Variants in GALNT18 observed in about 807,000 individuals in gnomAD.
GALNT18 encodes the protein GalNAc-transferase 18.
Under a neutral mutation model 69.5 loss-of-function variants are expected in GALNT18, and 44 were observed. The observed-to-expected ratio is 0.63, with a 90% CI of 0.50 to 0.81. The LOEUF (loss-of-function observed/expected upper bound fraction) is 0.81, where lower values mean the gene tolerates loss of function less well. GALNT18 is among the 40% of genes least tolerant of loss of function. The pLI is 0.00. For synonymous variants in GALNT18, 364 were observed against 318.2 expected (o/e 1.14, Z -1.53); for missense variants, 715 against 810.0 (o/e 0.88, Z 1.42).
chr11:11,372,748 T>A lies in GALNT18; in HGVS notation c.978-119A>T. 1 of 791,876 alleles carries A rather than the reference T, an allele frequency of 1.3e-6. No homozygotes were observed. Among genetic ancestry groups the A allele is most frequent in the Non-Finnish European group, 2.1e-6 (1 of 479,288 alleles). 49.1% of individuals were successfully genotyped at this position (791,876 alleles called of 1,614,324 possible). ...TTCCTTCCTTTGCTGCCAGAGCCAGTGTGAGCCTTGTTCTTGGAGTGGCCC... is the reference window on the plus strand; with the variant it reads ...TTCCTTCCTTTGCTGCCAGAGCCAGAGTGAGCCTTGTTCTTGGAGTGGCCC... On this transcript the variant is annotated intron_variant, in intron 5 of 10. Transcript: ENST00000227756. The surrounding 1 kb of genome is among the most constrained non-coding windows in gnomAD (Gnocchi z 4.9).
chr11:11,333,860 G>A (rs1021383971), intron 7 of GALNT18, among the ~76,000 whole-genome samples: 7 of 152,070 alleles, frequency 4.6e-5, no homozygotes, highest in African/African-American at 9.7e-5. Flanking sequence ...TGTTGAATGG[G>A]GCACAGAATT....
intron 10 of GALNT18, among the ~76,000 whole-genome samples, chr11:11,277,681 A>C (rs569666016): frequency 6.6e-6 from 1 of 152,302 alleles, no homozygotes; most frequent in Non-Finnish European, 1.5e-5. Context: ...AATGTGTCCC[A>C]GAGATTCTGG....
chr11:11,479,209 A>G (rs1234273365), intron 1 of GALNT18, among the ~76,000 whole-genome samples: 3 of 152,020 alleles, frequency 2.0e-5, no homozygotes, highest in East Asian at 1.9e-4. Flanking sequence ...TGTTTTCCTA[A>G]TTGGACACCG....
Position 11,517,692 on chromosome 11 carries a change from A to C in GALNT18, c.236-68756T>G, listed in dbSNP as rs572248567. 2.6e-4 allele frequency among the ~76,000 whole-genome samples: 40 copies of C among 152,150 alleles called. No individual in the cohort carries two copies. In the South Asian group the frequency reaches 5.0e-3, roughly 19 times the overall value. On this transcript the variant is annotated intron_variant, in intron 1 of 10. Coordinates refer to ENST00000227756, the MANE Select transcript of GALNT18 (RefSeq NM_198516.3). ...AGACTAGCTACATAGATGAGGCCGC[A>C]GAAACAGGGCCCCTGCCACAGTGCT...
rs998067759 is a variant in GALNT18 at position 11,454,029 on chromosome 11, G to A, written c.236-5093C>T. ...GAACAGCATCTGGCGCCTAGTAGGT[G>A]CTTAACCAATACCAGTAAAATGAAC... On this transcript the variant is annotated intron_variant, in intron 1 of 10. Coordinates refer to ENST00000227756, the MANE Select transcript of GALNT18 (RefSeq NM_198516.3). The surrounding 1 kb of genome is among the most constrained non-coding windows in gnomAD (Gnocchi z 4.2). 1.3e-5 allele frequency among the ~76,000 whole-genome samples: 2 copies of A among 152,160 alleles called. No individual in the cohort carries two copies. The highest frequency in any genetic ancestry group is 2.9e-5 in the Non-Finnish European group (2 of 68,040).
At chr11:11,313,862 A>G (rs1158060858) in intron 9 of GALNT18, among the ~76,000 whole-genome samples, 1 of 152,220 alleles carries the variant, frequency 6.6e-6, no homozygotes, top group African/African-American at 2.4e-5. Context: ...GATGCCTAGA[A>G]ACAGTAAGCA....
intron 10 of GALNT18, among the ~76,000 whole-genome samples, chr11:11,288,461 TCAGAACA>T (rs1233757900): frequency 7.2e-5 from 11 of 152,316 alleles, no homozygotes; most frequent in Non-Finnish European, 1.5e-4. Flanking sequence ...TCCCAGGCTC[TCAGAACA>T]CAGCACACCC....
At chr11:11,448,089 C>G (rs891178962) in intron 2 of GALNT18, among the ~76,000 whole-genome samples, 2 of 152,146 alleles carry the variant, frequency 1.3e-5, no homozygotes, top group African/African-American at 2.4e-5. Context: ...CCTAAAAGAA[C>G]ACGGCCTCCA....
At position 11,568,348 on chromosome 11, in the gene GALNT18, T is replaced by C. The variant is rs112110847; in HGVS notation, c.235+53011A>G. 8.2e-3 allele frequency among the ~76,000 whole-genome samples: 1,253 copies of C among 152,146 alleles called. 16 individuals carry two copies. Among genetic ancestry groups the C allele is most frequent in the African/African-American group, 0.027 (1,140 of 41,518 alleles). On this transcript the variant is annotated intron_variant, in intron 1 of 10. Transcript: ENST00000227756. ...GGAGTTGGCCAGCTCTTTGCACCTA[T>C]GTCCTGTGGCTCCTATCACCCACCT...
chr11:11,561,147 T>A (rs1346322034), intron 1 of GALNT18, among the ~76,000 whole-genome samples: 1 of 152,120 alleles, frequency 6.6e-6, no homozygotes, highest in Admixed American at 6.5e-5. Flanking sequence ...TAAAAATCCA[T>A]GAGAAACAGC....
In GALNT18 at chr11:11,372,936, G is replaced by A. The variant is rs766859747; in HGVS notation, c.978-307C>T. On this transcript the variant is annotated intron_variant, in intron 5 of 10. Transcript: ENST00000227756. This position sits in a 1 kb window ranked among gnomAD's most constrained non-coding sequence, Gnocchi z 4.9. ...CCAGTCTAGGTTGACTGTATCTCCC[G>A]CTGCCCTGACCCTGACCTCTGCACA... 1.3e-5 allele frequency among the ~76,000 whole-genome samples: 2 copies of A among 152,040 alleles called. No individual in the cohort carries two copies. The highest frequency in any genetic ancestry group is 2.9e-5 in the Non-Finnish European group (2 of 68,034).
chr11:11,284,097 G>A (rs1238931091), intron 10 of GALNT18, among the ~76,000 whole-genome samples: 1 of 152,178 alleles, frequency 6.6e-6, no homozygotes, highest in Admixed American at 6.5e-5. Context: ...ACTTGCAAAA[G>A]GAGACAGAGC....
At chr11:11,276,420 GA>G (rs1848948738) in intron 10 of GALNT18, among the ~76,000 whole-genome samples, 1 of 152,202 alleles carries the variant, frequency 6.6e-6, no homozygotes, top group Admixed American at 6.5e-5. Flanking sequence ...AGCTTAAGGA[GA>G]TTTGGGGCTG....
At chr11:11,437,407 C>T (rs1293587299) in intron 2 of GALNT18, among the ~76,000 whole-genome samples, 1 of 152,074 alleles carries the variant, frequency 6.6e-6, no homozygotes. Flanking sequence ...TGACAGACTC[C>T]ATTCTATTGA....
intron 1 of GALNT18, among the ~76,000 whole-genome samples, chr11:11,612,512 C>T (rs910489005): frequency 1.6e-4 from 24 of 152,308 alleles, no homozygotes; most frequent in South Asian, 1.2e-3. Flanking sequence ...CCCCAGATGC[C>T]GCTAGCACAA....
At chr11:11,375,833 G>C (rs1442965057) in intron 5 of GALNT18, among the ~76,000 whole-genome samples, 1 of 152,222 alleles carries the variant, frequency 6.6e-6, no homozygotes, top group Non-Finnish European at 1.5e-5. Context: ...CTTCAGGAAA[G>C]TTAGGTGGTT....
At chr11:11,593,256 G>A (rs1482682556) in intron 1 of GALNT18, among the ~76,000 whole-genome samples, 1 of 152,130 alleles carries the variant, frequency 6.6e-6, no homozygotes, top group Non-Finnish European at 1.5e-5. Context: ...ACTGTGCCCT[G>A]TTCTATCATA....
chr11:11,462,780 G>A (rs1035329097), intron 1 of GALNT18, among the ~76,000 whole-genome samples: 1 of 152,188 alleles, frequency 6.6e-6, no homozygotes, highest in Admixed American at 6.5e-5. Flanking sequence ...CAGCCAGGCA[G>A]CAGCTGATTC....
chr11:11,372,317 G>T lies in GALNT18; in HGVS notation c.1092+198C>A, dbSNP rs962119527. Among the ~76,000 whole-genome samples, 1 of 152,146 alleles carries T rather than the reference G, an allele frequency of 6.6e-6. No individual in the cohort carries two copies. Among genetic ancestry groups the T allele is most frequent in the Admixed American group, 6.5e-5 (1 of 15,280 alleles). ...CATGCTCCCTCCCCCAGCCAAGCTG[G>T]TTCTGAAGTCCTCTTCTTCCTGAAA... On this transcript the variant is annotated intron_variant, in intron 6 of 10. Coordinates refer to ENST00000227756, the MANE Select transcript of GALNT18 (RefSeq NM_198516.3). The surrounding 1 kb of genome is among the most constrained non-coding windows in gnomAD (Gnocchi z 4.9).
Sources: gnomAD v4.1 joint callset for allele counts (sites outside exome capture counted in the v4.1 genomes callset) on GRCh38, gnomAD v4.1.1 for gene constraint, Gnocchi (gnomAD v3.1) non-coding constraint, MANE v1.5 for transcripts, NCBI Gene and HGNC (gene_info 2026-07-23, HGNC 2026-07-21) for gene names.